The following CFAP299 variants were observed in gnomAD, a reference collection of about 807,000 sequenced individuals.
The protein encoded by CFAP299 is cilia and flagella associated protein 299.
CFAP299 carries 21 observed loss-of-function variants against 27.0 expected under a neutral mutation model. The ratio of observed to expected loss-of-function variants is 0.78; its 90% CI spans 0.55 to 1.12. The LOEUF (loss-of-function observed/expected upper bound fraction) is 1.12. Among genes scored for constraint, CFAP299 ranks in the 50% most tolerant of loss-of-function variants. The probability of loss-of-function intolerance (pLI) is 0.00; values close to 1 mark genes in which losing one functional copy is unlikely to be tolerated. For missense variants in CFAP299, 310 were observed against 276.6 expected (o/e 1.12, Z -0.86); for synonymous variants, 104 against 98.1 (o/e 1.06, Z -0.36).
chr4:80,827,219 G>T (rs1730034714), intron 3 of CFAP299, among the ~76,000 whole-genome samples: 2 of 151,736 alleles, frequency 1.3e-5, no homozygotes, highest in South Asian at 4.1e-4. Context: ...CACTTTAGGA[G>T]TCTATTATTA....
intron 4 of CFAP299, among the ~76,000 whole-genome samples, chr4:80,931,747 C>T (rs774318249): frequency 2.6e-5 from 4 of 151,994 alleles, no homozygotes; most frequent in African/African-American, 7.3e-5. Context: ...CACGCACACA[C>T]GCACACACAC....
intron 3 of CFAP299, among the ~76,000 whole-genome samples, chr4:80,606,943 T>G (rs1219678957): frequency 6.6e-6 from 1 of 152,228 alleles, no homozygotes; most frequent in Non-Finnish European, 1.5e-5. Context: ...GATAATAACT[T>G]TGATATAATC....
At chr4:80,795,069 G>A (rs1297597334) in intron 3 of CFAP299, among the ~76,000 whole-genome samples, 1 of 152,142 alleles carries the variant, frequency 6.6e-6, no homozygotes, top group African/African-American at 2.4e-5. Flanking sequence ...GAAGCTGAGT[G>A]GTGTCCACAG....
At chr4:80,877,441 T>C (rs961122772) in intron 4 of CFAP299, among the ~76,000 whole-genome samples, 1 of 152,206 alleles carries the variant, frequency 6.6e-6, no homozygotes, top group Non-Finnish European at 1.5e-5. Context: ...ACAGAAATTA[T>C]TCATGCACAG....
At chr4:80,737,246 T>G (rs1443437596) in intron 3 of CFAP299, among the ~76,000 whole-genome samples, 1 of 151,806 alleles carries the variant, frequency 6.6e-6, no homozygotes, top group Admixed American at 6.6e-5. Context: ...CGCACCAGCA[T>G]GTCACATGTA....
intron 3 of CFAP299, among the ~76,000 whole-genome samples, chr4:80,851,004 C>T (rs1578181931): frequency 1.3e-5 from 2 of 151,568 alleles, no homozygotes; most frequent in African/African-American, 2.4e-5. Context: ...TTATAACAAA[C>T]ATAAGAGCAA....
chr4:80,762,384 G>C (rs1230331033), intron 3 of CFAP299, among the ~76,000 whole-genome samples: 9 of 152,044 alleles, frequency 5.9e-5, no homozygotes, highest in Non-Finnish European at 1.3e-4. Flanking sequence ...AGACAGTCCT[G>C]TTGTCTGAGT....
intron 3 of CFAP299, among the ~76,000 whole-genome samples, chr4:80,587,227 C>T (rs919827422): frequency 1.2e-4 from 19 of 152,190 alleles, no homozygotes; most frequent in African/African-American, 3.9e-4. Flanking sequence ...TTATATGACT[C>T]ACACAATCTT....
At chr4:80,453,887 A>AATC (rs1553924472) in intron 2 of CFAP299, among the ~76,000 whole-genome samples, 33 of 144,086 alleles carry the variant, frequency 2.3e-4, no homozygotes, top group East Asian at 6.1e-4. Context: ...TAATAATAAT[A>AATC]ATCTTGCAAG....
intron 2 of CFAP299, among the ~76,000 whole-genome samples, chr4:80,408,686 A>G (rs1473234838): frequency 6.6e-6 from 1 of 152,014 alleles, no homozygotes; most frequent in Non-Finnish European, 1.5e-5. Context: ...TCTTCTCCAC[A>G]CATGCCCTAA....
At chr4:80,434,860 G>A (rs1351920727) in intron 2 of CFAP299, among the ~76,000 whole-genome samples, 1 of 152,158 alleles carries the variant, frequency 6.6e-6, no homozygotes, top group Non-Finnish European at 1.5e-5. Context: ...TATAATTGTC[G>A]GTTGTTATAT....
intron 2 of CFAP299, among the ~76,000 whole-genome samples, chr4:80,550,814 G>T (rs939184498): frequency 6.6e-6 from 1 of 150,974 alleles, no homozygotes; most frequent in African/African-American, 2.4e-5. Context: ...CACATGCATA[G>T]TCCTAAATAT....
chr4:80,667,560 T>G (rs1183350392), intron 3 of CFAP299, among the ~76,000 whole-genome samples: 1 of 152,158 alleles, frequency 6.6e-6, no homozygotes, highest in African/African-American at 2.4e-5. Context: ...AGACCCACTT[T>G]TTTTGTTCCC....
At chr4:80,387,016 G>T (rs1725047373) in intron 2 of CFAP299, 1 of 1,229,766 alleles carries the variant, frequency 8.1e-7, no homozygotes, top group Non-Finnish European at 1.2e-6. Context: ...GGCAGATGAC[G>T]CTGCAGGTAG....
intron 1 of CFAP299, among the ~76,000 whole-genome samples, chr4:80,352,289 C>T (rs1723055187): frequency 6.6e-6 from 1 of 152,124 alleles, no homozygotes; most frequent in Admixed American, 6.5e-5. Context: ...AGTCAAAGGC[C>T]AGGTGCAGTG....
At chr4:80,478,199 A>T (rs1730376139) in intron 2 of CFAP299, among the ~76,000 whole-genome samples, 1 of 152,192 alleles carries the variant, frequency 6.6e-6, no homozygotes, top group Non-Finnish European at 1.5e-5. Flanking sequence ...TTTAAAACGT[A>T]TCCAGTGGAG....
At chr4:80,397,336 T>G (rs1725857948) in intron 2 of CFAP299, among the ~76,000 whole-genome samples, 1 of 152,200 alleles carries the variant, frequency 6.6e-6, no homozygotes, top group African/African-American at 2.4e-5. Context: ...AACCAGCTCC[T>G]GGATTCATTG....
intron 2 of CFAP299, among the ~76,000 whole-genome samples, chr4:80,549,779 G>A (rs1734410672): frequency 6.6e-6 from 1 of 151,778 alleles, no homozygotes. Flanking sequence ...ATTCGATTGA[G>A]CATACTCATG....
chr4:80,474,402 C>T (rs1471643378), intron 2 of CFAP299, among the ~76,000 whole-genome samples: 2 of 152,104 alleles, frequency 1.3e-5, no homozygotes, highest in African/African-American at 4.8e-5. Context: ...AAATGACTGC[C>T]ATGTTCATCT....
Sources: allele counts gnomAD v4.1 joint callset (sites outside exome capture counted in the v4.1 genomes callset), GRCh38; gene constraint gnomAD v4.1.1; transcripts MANE v1.5; gene names NCBI Gene and HGNC (gene_info 2026-07-23, HGNC 2026-07-21).